GALNT1: variants seen among roughly 807,000 people sequenced by gnomAD.
The protein encoded by GALNT1 is polypeptide N-acetylgalactosaminyltransferase 1, also known as GalNAc transferase 1.
A neutral mutation model predicts 65.7 loss-of-function variants in GALNT1; 17 were observed. The ratio of observed to expected loss-of-function variants is 0.26; its 90% CI spans 0.18 to 0.39. The LOEUF is 0.39. Ranked by LOEUF, GALNT1 falls within the 10% of genes least tolerant of loss-of-function variation. GALNT1 has a pLI of 1.00. For missense variants in GALNT1, 460 were observed against 672.8 expected (o/e 0.68, Z 3.50); for synonymous variants, 210 against 219.7 (o/e 0.96, Z 0.39).
intron 1 of GALNT1, among the ~76,000 whole-genome samples, chr18:35,605,890 T>C (rs564875276): frequency 1.3e-5 from 2 of 152,320 alleles, no homozygotes; most frequent in South Asian, 2.1e-4. Context: ...TACTGTTCTT[T>C]TTAGCATCAT....
At chr18:35,679,522 A>C (rs1470306614) in intron 4 of GALNT1, among the ~76,000 whole-genome samples, 1 of 152,096 alleles carries the variant, frequency 6.6e-6, no homozygotes, top group Non-Finnish European at 1.5e-5. Flanking sequence ...ATCTGTGTAC[A>C]TCTGTGAGAG....
intron 9 of GALNT1, 45 bp downstream of exon 9, chr18:35,692,365 T>C (rs1283709770): frequency 2.4e-6 from 3 of 1,228,876 alleles, no homozygotes; most frequent in African/African-American, 3.2e-5. Context: ...ATTATGTTCT[T>C]ACTTTTTTAT....
chr18:35,656,601 TAGG>T (rs1463993822), intron 2 of GALNT1, among the ~76,000 whole-genome samples: 1 of 152,140 alleles, frequency 6.6e-6, no homozygotes, highest in East Asian at 1.9e-4. Flanking sequence ...AACGAGTTGA[TAGG>T]AGAACAAGAG....
At chr18:35,627,959 CCTCG>C (rs3051217) in intron 1 of GALNT1, among the ~76,000 whole-genome samples, 50,660 of 151,762 alleles carry the variant, frequency 0.33, 9,199 homozygotes, top group Middle Eastern at 0.52. Flanking sequence ...GCCCACGGAG[CCTCG>C]CTCATTGCTA....
chr18:35,653,768 C>T (rs1568024787), intron 1 of GALNT1, among the ~76,000 whole-genome samples: 3 of 152,156 alleles, frequency 2.0e-5, no homozygotes, highest in Non-Finnish European at 4.4e-5. Context: ...GTCATTTTCT[C>T]ATCATGGTAT....
intron 9 of GALNT1, among the ~76,000 whole-genome samples, chr18:35,698,931 G>A (rs868265655): frequency 3.3e-5 from 5 of 152,110 alleles, no homozygotes; most frequent in African/African-American, 7.2e-5. Flanking sequence ...GCAGTGAGCC[G>A]ATGTCGCACC....
chr18:35,643,750 A>T (rs1481894610), intron 1 of GALNT1, among the ~76,000 whole-genome samples: 2 of 151,408 alleles, frequency 1.3e-5, no homozygotes, highest in Non-Finnish European at 2.9e-5. Context: ...GTGAGCCGAG[A>T]TCGTGCCACT....
At chr18:35,596,969 G>C (rs1385796138) in intron 1 of GALNT1, 1 of 152,166 alleles carries the variant, frequency 6.6e-6, no homozygotes, top group Non-Finnish European at 1.5e-5. Context: ...GCCTAACTTA[G>C]CAGGAGTTAA....
chr18:35,591,136 G>C (rs866413172), intron 1 of GALNT1, among the ~76,000 whole-genome samples: 1 of 152,180 alleles, frequency 6.6e-6, no homozygotes, highest in Non-Finnish European at 1.5e-5. Context: ...AACAGGGCTG[G>C]AAATCCTTTG....
At chr18:35,699,190 A>G (rs1384755892) in intron 9 of GALNT1, among the ~76,000 whole-genome samples, 2 of 152,072 alleles carry the variant, frequency 1.3e-5, no homozygotes, top group Non-Finnish European at 2.9e-5. Context: ...AATAATTTGG[A>G]ATTATCATAA....
chr18:35,623,502 G>T (rs2046881135), intron 1 of GALNT1, among the ~76,000 whole-genome samples: 1 of 151,664 alleles, frequency 6.6e-6, no homozygotes, highest in African/African-American at 2.4e-5. Flanking sequence ...TTCATGTTTT[G>T]TTTTTATCCT....
chr18:35,634,664 T>C (rs1353472000), intron 1 of GALNT1, among the ~76,000 whole-genome samples: 2 of 152,208 alleles, frequency 1.3e-5, no homozygotes, highest in South Asian at 2.1e-4. Flanking sequence ...AGTCTGGTCA[T>C]GTAGGCATCT....
intron 1 of GALNT1, among the ~76,000 whole-genome samples, chr18:35,583,333 C>G (rs1335020801): frequency 6.6e-6 from 1 of 152,190 alleles, no homozygotes; most frequent in South Asian, 2.1e-4. Context: ...ACCTGAGAAG[C>G]CTTTGTTCAG....
At chr18:35,661,363 G>A (rs147152968) in intron 2 of GALNT1, among the ~76,000 whole-genome samples, 87 of 152,068 alleles carry the variant, frequency 5.7e-4, no homozygotes, top group African/African-American at 1.8e-3. Context: ...GCCAGATATG[G>A]TGGCGCGTGT....
chr18:35,581,738 G>T (rs1353074650), upstream of GALNT1: 4 of 14,058 alleles, frequency 2.8e-4, no homozygotes, highest in Admixed American at 2.4e-3. Context: ...GGAGCCGCCG[G>T]CAGTGGCCGA....
At chr18:35,643,074 G>T (rs372071462) in intron 1 of GALNT1, among the ~76,000 whole-genome samples, 23 of 152,104 alleles carry the variant, frequency 1.5e-4, no homozygotes, top group African/African-American at 5.1e-4. Context: ...CAGGCAACTG[G>T]ATCTGTTACC....
At chr18:35,581,693 G>T (rs1335991087), upstream of GALNT1, 7 of 136 alleles carry the variant, frequency 0.051, no homozygotes, top group Non-Finnish European at 0.019. Flanking sequence ...GGGCGCGGCG[G>T]AGCGGGGCCC....
intron 1 of GALNT1, among the ~76,000 whole-genome samples, chr18:35,618,776 A>C (rs751426643): frequency 6.6e-6 from 1 of 152,144 alleles, no homozygotes; most frequent in Non-Finnish European, 1.5e-5. Context: ...CAAATCCTAT[A>C]ATCAGCCCTC....
chr18:35,705,829 T>C (rs900308593), intron 11 of GALNT1, among the ~76,000 whole-genome samples: 2 of 152,152 alleles, frequency 1.3e-5, no homozygotes, highest in Non-Finnish European at 2.9e-5. Context: ...AGGGATAACG[T>C]TGTTGTAATA....
Sources: gnomAD v4.1 joint callset for allele counts (sites outside exome capture counted in the v4.1 genomes callset) on GRCh38, gnomAD v4.1.1 for gene constraint, MANE v1.5 for transcripts, NCBI Gene and HGNC (gene_info 2026-07-23, HGNC 2026-07-21) for gene names.